FGF10: variants seen among roughly 807,000 people sequenced by gnomAD.
The protein encoded by FGF10 is fibroblast growth factor 10.
A neutral mutation model predicts 19.8 loss-of-function variants in FGF10; 2 were observed. That is an observed-to-expected ratio of 0.10 (90% CI 0.04 to 0.32). The LOEUF (loss-of-function observed/expected upper bound fraction) is 0.32. Among genes scored for constraint, FGF10 ranks in the 10% least tolerant of loss-of-function variants. The pLI is 1.00. For missense variants in FGF10, 191 were observed against 246.3 expected, an observed-to-expected ratio of 0.78 and a Z score of 1.50; for synonymous variants, 112 against 94.0, an observed-to-expected ratio of 1.19 and a Z score of -1.10.
chr5:44,373,814 T>C (rs1389321463), intron 1 of FGF10, among the ~76,000 whole-genome samples: 2 of 152,158 alleles, frequency 1.3e-5, no homozygotes, highest in Non-Finnish European at 2.9e-5. Context: ...AGAAGTCTGT[T>C]TAAAGAAATC....
At chr5:44,358,504 A>T (rs1225233170) in intron 1 of FGF10, among the ~76,000 whole-genome samples, 1 of 151,560 alleles carries the variant, frequency 6.6e-6, no homozygotes, top group African/African-American at 2.4e-5. Flanking sequence ...AAAACAAAGG[A>T]CATTATAGAA....
At chr5:44,306,257 C>T (rs2111671461) in intron 2 of FGF10, among the ~76,000 whole-genome samples, 1 of 152,116 alleles carries the variant, frequency 6.6e-6, no homozygotes, top group Non-Finnish European at 1.5e-5. Flanking sequence ...ATTAGCCAGG[C>T]GTATTGGTGG....
At chr5:44,358,289 G>A (rs560106239) in intron 1 of FGF10, among the ~76,000 whole-genome samples, 1 of 151,400 alleles carries the variant, frequency 6.6e-6, no homozygotes, top group Non-Finnish European at 1.5e-5. Flanking sequence ...TGAAATTCTG[G>A]GTAAACATTG....
At chr5:44,305,241 T>C in intron 2 of FGF10, 49 bp from the exon 3 acceptor site, 1 of 1,554,898 alleles carries the variant, frequency 6.4e-7, no homozygotes, top group Non-Finnish European at 8.9e-7. Flanking sequence ...TTGTACTTGA[T>C]TTCATTTGAT....
intron 2 of FGF10, among the ~76,000 whole-genome samples, chr5:44,307,274 G>A (rs1436342375): frequency 6.6e-6 from 1 of 152,128 alleles, no homozygotes; most frequent in Non-Finnish European, 1.5e-5. Flanking sequence ...CAGGATCTAA[G>A]CAAATCATAA....
chr5:44,363,429 A>G (rs1429892777), intron 1 of FGF10, among the ~76,000 whole-genome samples: 1 of 151,906 alleles, frequency 6.6e-6, no homozygotes, highest in Non-Finnish European at 1.5e-5. Context: ...GCCATTAGGC[A>G]TTCTTGAACT....
chr5:44,357,188 C>A (rs746245447), intron 1 of FGF10, among the ~76,000 whole-genome samples: 24 of 151,134 alleles, frequency 1.6e-4, no homozygotes, highest in Middle Eastern at 3.4e-3. Flanking sequence ...ACAACAAAAC[C>A]CTAAAGTTGG....
At chr5:44,380,879 A>G (rs72764775) in intron 1 of FGF10, among the ~76,000 whole-genome samples, 4 of 151,998 alleles carry the variant, frequency 2.6e-5, no homozygotes, top group African/African-American at 9.7e-5. Flanking sequence ...TGCAGTTCCA[A>G]CTGCTTGGGA....
intron 1 of FGF10, among the ~76,000 whole-genome samples, chr5:44,319,558 G>A (rs1191491082): frequency 6.6e-6 from 1 of 152,130 alleles, no homozygotes; most frequent in Non-Finnish European, 1.5e-5. Context: ...GAATAAGTTT[G>A]AGGGGTTCAA....
Position 44,345,023 on chromosome 5 carries a change from T to C in FGF10, c.326-34493A>G, listed in dbSNP as rs867944055. ...CAATCGAGAGTCACATTAGAGATTG[T>C]CTGTAACTTAAATCAGCATATATTA... On this transcript the variant is annotated intron_variant, in intron 1 of 2. Transcript: ENST00000264664. Among the ~76,000 whole-genome samples the C allele has an allele frequency of 7.9e-4, 120 of 152,000 alleles. 2 individuals carry two copies. Among genetic ancestry groups the C allele is most frequent in the African/African-American group, 2.7e-3 (112 of 41,514 alleles).
At chr5:44,353,928 T>A (rs561871884) in intron 1 of FGF10, among the ~76,000 whole-genome samples, 1 of 151,614 alleles carries the variant, frequency 6.6e-6, no homozygotes, top group African/African-American at 2.4e-5. Context: ...GTGCACCTAT[T>A]ATGTCATAAG....
intron 1 of FGF10, among the ~76,000 whole-genome samples, chr5:44,314,744 C>T (rs916531002): frequency 1.3e-5 from 2 of 152,090 alleles, no homozygotes; most frequent in African/African-American, 4.8e-5. Context: ...TCATTCTTCT[C>T]CAGAAGAGGA....
intron 1 of FGF10, among the ~76,000 whole-genome samples, chr5:44,314,870 T>C (rs1219030715): frequency 6.6e-6 from 1 of 152,098 alleles, no homozygotes; most frequent in African/African-American, 2.4e-5. Flanking sequence ...TAAATATTTT[T>C]CCATAAACAC....
intron 2 of FGF10, among the ~76,000 whole-genome samples, chr5:44,308,945 C>T (rs768884709): frequency 6.6e-6 from 1 of 152,028 alleles, no homozygotes; most frequent in African/African-American, 2.4e-5. Flanking sequence ...TTTAATAAGC[C>T]CTTCCACTGA....
intron 1 of FGF10, among the ~76,000 whole-genome samples, chr5:44,354,698 A>C (rs1741308193): frequency 6.6e-6 from 1 of 151,426 alleles, no homozygotes; most frequent in South Asian, 2.1e-4. Context: ...ATGTGTTGGA[A>C]TTTGCTCCAT....
intron 1 of FGF10, among the ~76,000 whole-genome samples, chr5:44,315,688 A>G (rs1028648493): frequency 6.6e-5 from 10 of 152,180 alleles, no homozygotes; most frequent in African/African-American, 2.4e-4. Context: ...AGCACAATGT[A>G]AGACACAAAT....
chr5:44,359,496 C>T (rs1173673883), intron 1 of FGF10, among the ~76,000 whole-genome samples: 1 of 151,434 alleles, frequency 6.6e-6, no homozygotes, highest in Non-Finnish European at 1.5e-5. Flanking sequence ...CTAGACCAAT[C>T]CTGCAGATTG....
chr5:44,375,857 T>G (rs557747433), intron 1 of FGF10, among the ~76,000 whole-genome samples: 1 of 152,284 alleles, frequency 6.6e-6, no homozygotes, highest in South Asian at 2.1e-4. Context: ...TTATGTTAAC[T>G]CTATAATGTC....
chr5:44,328,426 C>T (rs993723902), intron 1 of FGF10, among the ~76,000 whole-genome samples: 13 of 152,104 alleles, frequency 8.5e-5, no homozygotes, highest in African/African-American at 2.9e-4. Context: ...GATCTTAACC[C>T]ATACTGACAA....
Sources: allele counts gnomAD v4.1 joint callset (sites outside exome capture counted in the v4.1 genomes callset), GRCh38; gene constraint gnomAD v4.1.1; transcripts MANE v1.5; gene names NCBI Gene and HGNC (gene_info 2026-07-23, HGNC 2026-07-21).